CACNA1G: variants seen among roughly 807,000 people sequenced by gnomAD.
The protein encoded by CACNA1G is calcium voltage-gated channel subunit alpha1 G.
Under a neutral mutation model 219.4 loss-of-function variants are expected in CACNA1G, and 67 were observed. The ratio of observed to expected loss-of-function variants is 0.31; its 90% confidence interval spans 0.25 to 0.37. The LOEUF is 0.37. Ranked by LOEUF, CACNA1G falls within the 10% of genes least tolerant of loss-of-function variation. The pLI is 1.00. For missense variants in CACNA1G, 2,380 were observed against 3,231.4 expected (o/e 0.74, Z 6.39); for synonymous variants, 1,296 against 1,345.3 (o/e 0.96, Z 0.80).
rs2041227434 is a variant in CACNA1G, at chr17:50,578,623, C to T, written c.2301+59C>T. On this transcript the variant is annotated intron_variant, in intron 9 of 37. Transcript: ENST00000359106. This position sits in a 1 kb window ranked among gnomAD's most constrained non-coding sequence, Gnocchi z 4.5. ...GCTGCTTTTCGCCTGGGGCTGGGGC[C>T]TTCTACCTCCCTCCGCACCCCTCCT... is the stretch of plus-strand genomic sequence containing the variant. 6.7e-7 allele frequency: 1 copy of T among 1,483,690 alleles called. No individual in the cohort carries two copies. Among genetic ancestry groups the T allele is most frequent in the Non-Finnish European group, 9.0e-7 (1 of 1,108,688 alleles). The allele number at this position is 1,483,690 out of a possible 1,614,324, so 91.9% of individuals were successfully genotyped here.
At chr17:50,570,898 G>C (rs879423852) in intron 4 of CACNA1G, among the ~76,000 whole-genome samples, 4 of 152,196 alleles carry the variant, frequency 2.6e-5, no homozygotes, top group Non-Finnish European at 5.9e-5. Context: ...TCACCAAGAG[G>C]GTTAATTAGC....
chr17:50,579,433 C>A (rs943250868), intron 9 of CACNA1G, among the ~76,000 whole-genome samples: 1 of 152,110 alleles, frequency 6.6e-6, no homozygotes, highest in African/African-American at 2.4e-5. Flanking sequence ...GCTGAAGATG[C>A]CCGCTTGTTG....
intron 35 of CACNA1G, among the ~76,000 whole-genome samples, chr17:50,623,091 C>CTTTTTT (rs35688516): frequency 2.3e-4 from 18 of 79,412 alleles, no homozygotes; most frequent in African/African-American, 9.3e-4. Flanking sequence ...CTGCTGTTGG[C>CTTTTTT]TTTTTTTTTT....
In CACNA1G at chr17:50,591,415, G is replaced by T; in HGVS notation, c.2454-20G>T. 1 of 1,521,838 alleles carries T rather than the reference G, an allele frequency of 6.6e-7. No individual in the cohort carries two copies. The highest frequency in any genetic ancestry group is 8.8e-7 in the Non-Finnish European group (1 of 1,135,508). 94.3% of individuals were successfully genotyped at this position (1,521,838 alleles called of 1,614,324 possible). A position where few individuals can be genotyped will look rare whatever the true frequency, so the allele number is the denominator to read the frequency against. Reference sequence around the variant, plus strand: ...GAGGGTGAAGGTGCAGGGGGCTCAGGCTGCCTGCCCCCTTTGCAGCGTGTG... The same window carrying T: ...GAGGGTGAAGGTGCAGGGGGCTCAGTCTGCCTGCCCCCTTTGCAGCGTGTG... On this transcript the variant is annotated intron_variant, in intron 10 of 37. Transcript: ENST00000359106.
At chr17:50,588,491 G>A (rs138720800) in intron 9 of CACNA1G, among the ~76,000 whole-genome samples, 21 of 152,276 alleles carry the variant, frequency 1.4e-4, no homozygotes, top group Admixed American at 1.2e-3. Flanking sequence ...AGTACAGAGT[G>A]GGGGGATCCA....
rs775438560 is a variant in CACNA1G at position 50,605,894 on chromosome 17, C to A, written c.4297-4C>A. 1 of 1,613,110 alleles carries A rather than the reference C, an allele frequency of 6.2e-7. No homozygotes were observed. The highest frequency in any genetic ancestry group is 8.5e-7 in the Non-Finnish European group (1 of 1,179,888). ...TTTCTCTGTCTCTGGGAATGTGTGT[C>A]CAGCTCTTCAAAGGGAAGTTTTTCG... On this transcript the variant is annotated splice_polypyrimidine_tract_variant and splice_region_variant and intron_variant, in intron 22 of 37. Coordinates refer to ENST00000359106, the MANE Select transcript of CACNA1G (RefSeq NM_018896.5).
At chr17:50,623,715 C>T (rs573990944) in intron 35 of CACNA1G, among the ~76,000 whole-genome samples, 192 bp from the exon 36 acceptor site, 173 of 152,244 alleles carry the variant, frequency 1.1e-3, no homozygotes, top group Non-Finnish European at 2.1e-3. Context: ...TTCCTCCCCG[C>T]GTGTGGAGGG....
rs527547529 is a variant in CACNA1G, at chr17:50,568,815, C to T, written c.243-55C>T. On this transcript the variant is annotated intron_variant, in intron 1 of 37. Coordinates refer to ENST00000359106, the MANE Select transcript of CACNA1G (RefSeq NM_018896.5). ...CGAGGAGGAGGTGTTAGGGCGGGGT[C>T]GGGGGGCCGGCCTCAGCTCCAGCCT... 5.1e-5 allele frequency: 73 copies of T among 1,422,164 alleles called. 1 individual carries two copies. In the South Asian group the frequency reaches 6.7e-4, roughly 13 times the overall value. 88.1% of individuals were successfully genotyped at this position (1,422,164 alleles called of 1,614,324 possible).
chr17:50,582,454 T>G (rs778799304), intron 9 of CACNA1G, among the ~76,000 whole-genome samples: 1 of 152,134 alleles, frequency 6.6e-6, no homozygotes, highest in African/African-American at 2.4e-5. Flanking sequence ...CAAGGATGAC[T>G]CCCAGGTTTC....
intron 13 of CACNA1G, 74 bp downstream of exon 13, chr17:50,592,166 C>T (rs2044464513): frequency 1.3e-6 from 2 of 1,488,794 alleles, no homozygotes; most frequent in Admixed American, 2.0e-5. Context: ...TCTTGAGCCT[C>T]CTCCCTCTGT....
At chr17:50,615,703 A>G (rs1342490740) in intron 27 of CACNA1G, among the ~76,000 whole-genome samples, 191 bp downstream of exon 27, 1 of 152,182 alleles carries the variant, frequency 6.6e-6, no homozygotes, top group Non-Finnish European at 1.5e-5. Context: ...AGGCTCAGAG[A>G]TGTTAGTTGA....
At position 50,617,984 on chromosome 17, in the gene CACNA1G, G is replaced by A. The variant is rs2146277052; in HGVS notation, c.5226+55G>A. 1.2e-6 allele frequency: 2 copies of A among 1,612,520 alleles called. No homozygotes were observed. Among genetic ancestry groups the A allele is most frequent in the African/African-American group, 2.7e-5 (2 of 75,046 alleles). On this transcript the variant is annotated intron_variant, in intron 30 of 37. Transcript: ENST00000359106. The surrounding 1 kb of genome is among the most constrained non-coding windows in gnomAD (Gnocchi z 5.8). ...GGGGGAGGTGCTTTCCAGAGGGAAG[G>A]GGCTCAGAGAAGCTGACTGGGAGAC...
At position 50,618,218 on chromosome 17, in the gene CACNA1G, C is replaced by T. The variant is rs980043249; in HGVS notation, c.5306-4C>T. On this transcript the variant is annotated splice_region_variant and splice_polypyrimidine_tract_variant and intron_variant, in intron 31 of 37. Coordinates refer to ENST00000359106, the MANE Select transcript of CACNA1G (RefSeq NM_018896.5). This position sits in a 1 kb window ranked among gnomAD's most constrained non-coding sequence, Gnocchi z 5.3. The stretch of plus-strand genomic sequence containing the variant: ...GGCCTCTCCCCCTTTCCCTCCTCCC[C>T]CAGAGTGTGACGAGACACACCCCTG... 1 of 1,613,658 alleles carries T rather than the reference C, an allele frequency of 6.2e-7. No homozygotes were observed.
Position 50,617,378 on chromosome 17 carries a change from T to A in CACNA1G, c.5022-60T>A. ...AAGCCCTGTCTTTCTGTGCCACGACTGCCCCCTCCTTCAGGAACCCCCTCC... is the reference window on the plus strand; with the variant it reads ...AAGCCCTGTCTTTCTGTGCCACGACAGCCCCCTCCTTCAGGAACCCCCTCC... On this transcript the variant is annotated intron_variant, in intron 28 of 37. Transcript: ENST00000359106. The surrounding 1 kb of genome is among the most constrained non-coding windows in gnomAD (Gnocchi z 5.8). The A allele has an allele frequency of 6.4e-7, 1 of 1,557,798 alleles. No individual in the cohort carries two copies.
chr17:50,565,814 C>T (rs2037663060), intron 1 of CACNA1G, among the ~76,000 whole-genome samples: 1 of 152,184 alleles, frequency 6.6e-6, no homozygotes, highest in Non-Finnish European at 1.5e-5. Context: ...TGCTCTAGTT[C>T]TCTCTCCCAG....
At chr17:50,574,189 G>A (rs1203314393) in intron 7 of CACNA1G, among the ~76,000 whole-genome samples, 2 of 151,622 alleles carry the variant, frequency 1.3e-5, no homozygotes, top group African/African-American at 2.4e-5. Context: ...GGCTGGGGCT[G>A]AGAATTCAGT....
chr17:50,585,123 AG>A (rs1375413454), intron 9 of CACNA1G, among the ~76,000 whole-genome samples: 1 of 152,116 alleles, frequency 6.6e-6, no homozygotes, highest in Non-Finnish European at 1.5e-5. Flanking sequence ...GACAAGGCAC[AG>A]GGGCTGCAGC....
At chr17:50,624,130 C>G in intron 36 of CACNA1G, 55 bp downstream of exon 36, 1 of 1,576,132 alleles carries the variant, frequency 6.3e-7, no homozygotes, top group Non-Finnish European at 8.7e-7. Flanking sequence ...CCATCCTGGC[C>G]TAAGCCAGTC....
chr17:50,618,765 G>C lies in CACNA1G; in HGVS notation c.5538G>C (p.Val1846=). The change falls in exon 33 of 38, where the codon GTG becomes GTC. Residue 1846 remains valine, a synonymous_variant. Transcript: ENST00000359106. The surrounding 1 kb of genome is among the most constrained non-coding windows in gnomAD (Gnocchi z 5.3). The part of the protein sequence containing the change: ...LTAQFVLVNV[V]IAVLMKHLEE... ...CCCAGTTCGTGCTAGTCAACGTGGTGATCGCCGTGCTGATGAAGCACCTGG... is the reference window on the plus strand; with the variant it reads ...CCCAGTTCGTGCTAGTCAACGTGGTCATCGCCGTGCTGATGAAGCACCTGG... 1 of 1,614,020 alleles carries C rather than the reference G, an allele frequency of 6.2e-7. No homozygotes were observed. Among genetic ancestry groups the C allele is most frequent in the Non-Finnish European group, 8.5e-7 (1 of 1,179,892 alleles).
Sources: allele counts gnomAD v4.1 joint callset (sites outside exome capture counted in the v4.1 genomes callset), GRCh38; gene constraint gnomAD v4.1.1; non-coding constraint Gnocchi (gnomAD v3.1); transcripts MANE v1.5; gene names NCBI Gene and HGNC (gene_info 2026-07-23, HGNC 2026-07-21).